Variants in WDR89 observed in about 807,000 individuals in gnomAD.
WDR89 encodes WD repeat domain 89.
Under a neutral mutation model 29.1 loss-of-function variants are expected in WDR89, and 17 were observed. The observed-to-expected ratio is 0.58, with a 90% CI of 0.40 to 0.88. The LOEUF is 0.88. Ranked by LOEUF, WDR89 falls within the 40% of genes least tolerant of loss-of-function variation. WDR89 has a pLI of 0.00. For synonymous variants in WDR89, 138 were observed against 157.8 expected, an observed-to-expected ratio of 0.87 and a Z score of 0.94; for missense variants, 396 against 456.3, an observed-to-expected ratio of 0.87 and a Z score of 1.20.
intron 2 of WDR89, among the ~76,000 whole-genome samples, chr14:63,602,732 G>A (rs12881655): frequency 3.4e-4 from 51 of 148,424 alleles, no homozygotes; most frequent in Middle Eastern, 3.5e-3. Flanking sequence ...AGATCGCGCC[G>A]TTGCACTCCA....
intron 1 of WDR89, among the ~76,000 whole-genome samples, chr14:63,632,300 T>A (rs764946945): frequency 5.3e-5 from 8 of 151,740 alleles, no homozygotes; most frequent in Non-Finnish European, 1.0e-4. Flanking sequence ...AGTACGGGAT[T>A]CTGTTATCAG....
rs184067574 is a variant in WDR89 at position 63,626,369 on chromosome 14, G to A, written c.-137-1336C>T. Among the ~76,000 whole-genome samples, 312 of 151,994 alleles carry A rather than the reference G, an allele frequency of 2.1e-3. 2 individuals are homozygous for A. Among genetic ancestry groups the A allele is most frequent in the Non-Finnish European group, 1.5e-3 (104 of 67,942 alleles). ...GGGAAAATTCTAATGAACAAGAAAC[G>A]TAAAAAGATGTTCAACCTCAGCCGG... On this transcript the variant is annotated intron_variant, in intron 1 of 2. Transcript: ENST00000620954.
At chr14:63,608,046 G>C (rs577725595) in intron 2 of WDR89, among the ~76,000 whole-genome samples, 11 of 149,928 alleles carry the variant, frequency 7.3e-5, no homozygotes, top group African/African-American at 1.7e-4. Context: ...TCTCTACTAA[G>C]AATACAAAAA....
chr14:63,631,545 A>T (rs79639035), intron 1 of WDR89, among the ~76,000 whole-genome samples: 14,335 of 151,128 alleles, frequency 0.095, 1,336 homozygotes, highest in African/African-American at 0.24. Flanking sequence ...AAAAAAAAAA[A>T]TTTTTTTTTA....
rs113624398 is a variant in WDR89, at chr14:63,635,412, T to G, written c.-138+6392A>C. Among the ~76,000 whole-genome samples the G allele has an allele frequency of 8.4e-3, 1,273 of 152,272 alleles. 12 individuals are homozygous for G. Among genetic ancestry groups the G allele is most frequent in the African/African-American group, 0.029 (1,189 of 41,552 alleles). On this transcript the variant is annotated intron_variant, in intron 1 of 2. Transcript: ENST00000620954. Reference sequence around the variant, plus strand: ...ATCTCAATAGATACAGAAAAAGCATTTGACAAAATCCAGCATCCCTTTATG... The same window carrying G: ...ATCTCAATAGATACAGAAAAAGCATGTGACAAAATCCAGCATCCCTTTATG...
At chr14:63,622,678 A>T (rs1882778050) in intron 2 of WDR89, among the ~76,000 whole-genome samples, 1 of 151,886 alleles carries the variant, frequency 6.6e-6, no homozygotes, top group Admixed American at 6.6e-5. Context: ...GAGGCACAAG[A>T]ATTGCTTGAA....
chr14:63,605,709 C>T (rs1386981137), intron 2 of WDR89, among the ~76,000 whole-genome samples: 1 of 152,166 alleles, frequency 6.6e-6, no homozygotes, highest in East Asian at 1.9e-4. Flanking sequence ...ATCCACACAC[C>T]TCGGTCTCCC....
chr14:63,626,513 C>A (rs1473404351), intron 1 of WDR89, among the ~76,000 whole-genome samples: 1 of 150,538 alleles, frequency 6.6e-6, no homozygotes, highest in Non-Finnish European at 1.5e-5. Flanking sequence ...CCCATCTCTA[C>A]TAAAAATACA....
At chr14:63,619,806 A>T (rs1882565751) in intron 2 of WDR89, among the ~76,000 whole-genome samples, 1 of 152,086 alleles carries the variant, frequency 6.6e-6, no homozygotes, top group Non-Finnish European at 1.5e-5. Context: ...GGAGTTTGAG[A>T]TCAGCCTGGC....
intron 1 of WDR89, among the ~76,000 whole-genome samples, chr14:63,635,133 C>T (rs772688763): frequency 1.3e-5 from 2 of 152,116 alleles, no homozygotes; most frequent in Admixed American, 6.6e-5. Flanking sequence ...TTCTATGAAG[C>T]CAGCATCACC....
At chr14:63,604,153 A>G (rs1895205622) in intron 2 of WDR89, among the ~76,000 whole-genome samples, 1 of 152,236 alleles carries the variant, frequency 6.6e-6, no homozygotes, top group Non-Finnish European at 1.5e-5. Context: ...GGCCAGGTGC[A>G]GTGGCTCATT....
rs1416329276 is a variant in WDR89, at chr14:63,598,681, G to A, written c.*98C>T. ...TCCAGGACTGTTTGCTAACTGGCTT[G>A]TTTTTACATAAAGCTTTAAACATGT... is the stretch of plus-strand genomic sequence containing the variant. On this transcript the variant is annotated 3_prime_UTR_variant, in exon 3 of 3. Coordinates refer to ENST00000620954, the MANE Select transcript of WDR89 (RefSeq NM_080666.4). 6 of 1,136,808 alleles carry A rather than the reference G, an allele frequency of 5.3e-6. No homozygotes were observed. The highest frequency in any genetic ancestry group is 1.6e-5 in the African/African-American group (1 of 63,628). 70.4% of individuals were successfully genotyped at this position (1,136,808 alleles called of 1,614,324 possible).
intron 1 of WDR89, among the ~76,000 whole-genome samples, chr14:63,631,181 A>G (rs61984046): frequency 0.02 from 3,069 of 152,314 alleles, 47 homozygotes; most frequent in South Asian, 0.031. Flanking sequence ...TACACGAAGT[A>G]TACGTATATC....
In WDR89 at chr14:63,598,186, G is replaced by C. The variant is rs1894876148; in HGVS notation, c.*593C>G. On this transcript the variant is annotated 3_prime_UTR_variant, in exon 3 of 3. Coordinates refer to ENST00000620954, the MANE Select transcript of WDR89 (RefSeq NM_080666.4). Reference sequence around the variant, plus strand: ...CTTCCTTTCAATCAGCAAAACACCTGTTTACTACTTACTAACAATATTAAA... The same window carrying C: ...CTTCCTTTCAATCAGCAAAACACCTCTTTACTACTTACTAACAATATTAAA... 1 of 152,084 alleles carries C rather than the reference G, an allele frequency of 6.6e-6. No homozygotes were observed. The highest frequency in any genetic ancestry group is 2.1e-4 in the South Asian group (1 of 4,830). 9.4% of individuals were successfully genotyped at this position (152,084 alleles called of 1,614,324 possible). A position where few individuals can be genotyped will look rare whatever the true frequency, so the allele number is the denominator to read the frequency against.
chr14:63,602,026 A>G (rs1895087116), intron 2 of WDR89, among the ~76,000 whole-genome samples: 8 of 152,206 alleles, frequency 5.3e-5, no homozygotes, highest in Admixed American at 5.2e-4. Flanking sequence ...CTTAAGATGA[A>G]ATGTTTTTTC....
rs148659301 is a variant in WDR89, at chr14:63,635,945, G to A, written c.-138+5859C>T. On this transcript the variant is annotated intron_variant, in intron 1 of 2. Coordinates refer to ENST00000620954, the MANE Select transcript of WDR89 (RefSeq NM_080666.4). ...CCTAACAGGCTGGGTAGTGGCTCAA[G>A]CCTATAATCCCAGCACTTTGGAAGG... is the stretch of plus-strand genomic sequence containing the variant. 1.4e-3 allele frequency among the ~76,000 whole-genome samples: 208 copies of A among 152,298 alleles called. 2 individuals carry two copies. The highest frequency in any genetic ancestry group is 4.6e-3 in the Admixed American group (70 of 15,294).
intron 2 of WDR89, among the ~76,000 whole-genome samples, chr14:63,605,211 T>TACACACACACAC (rs200461481): frequency 0.014 from 1,394 of 102,520 alleles, 28 homozygotes; most frequent in African/African-American, 0.037. Flanking sequence ...TACATACACA[T>TACACACACACAC]ACACACACAC....
intron 2 of WDR89, among the ~76,000 whole-genome samples, chr14:63,613,631 T>G (rs1431028560): frequency 2.0e-5 from 3 of 150,924 alleles, no homozygotes; most frequent in Non-Finnish European, 4.4e-5. Context: ...GCCTCCCGAG[T>G]GGCTAGGATT....
chr14:63,603,718 T>TC (rs1895185465), intron 2 of WDR89, among the ~76,000 whole-genome samples: 1 of 152,158 alleles, frequency 6.6e-6, no homozygotes, highest in African/African-American at 2.4e-5. Flanking sequence ...TAGGACCCCA[T>TC]CAGTCTGTAA....
Sources: allele counts gnomAD v4.1 joint callset (sites outside exome capture counted in the v4.1 genomes callset), GRCh38; gene constraint gnomAD v4.1.1; transcripts MANE v1.5; gene names NCBI Gene and HGNC (gene_info 2026-07-23, HGNC 2026-07-21).